The following CCSER1 variants were observed in gnomAD, a reference collection of about 807,000 sequenced individuals.
CCSER1 encodes the protein serine-rich coiled-coil domain-containing protein 1.
Under a neutral mutation model 82.0 loss-of-function variants are expected in CCSER1, and 41 were observed. That is an observed-to-expected ratio of 0.50 (90% CI 0.39 to 0.65). The LOEUF (loss-of-function observed/expected upper bound fraction) is 0.65, where lower values mean the gene tolerates loss of function less well. CCSER1 is among the 30% of genes least tolerant of loss of function. The probability of loss-of-function intolerance (pLI) is 0.00; values close to 1 mark genes in which losing one functional copy is unlikely to be tolerated. For synonymous variants in CCSER1, 414 were observed against 383.9 expected (o/e 1.08, Z -0.92); for missense variants, 1,119 against 1,064.2 (o/e 1.05, Z -0.72).
intron 10 of CCSER1, among the ~76,000 whole-genome samples, chr4:91,487,129 A>AT (rs1758264731): frequency 6.6e-6 from 1 of 152,094 alleles, no homozygotes; most frequent in Admixed American, 6.6e-5. Context: ...TACAGGATAT[A>AT]TTTTTTGCCT....
chr4:90,459,531 G>A (rs546549166), intron 4 of CCSER1, among the ~76,000 whole-genome samples: 13 of 152,192 alleles, frequency 8.5e-5, no homozygotes, highest in African/African-American at 1.2e-4. Flanking sequence ...CAGTGTGTCC[G>A]TAGAGTTGAT....
At chr4:90,532,864 C>T (rs1774754168) in intron 5 of CCSER1, among the ~76,000 whole-genome samples, 1 of 152,104 alleles carries the variant, frequency 6.6e-6, no homozygotes, top group Non-Finnish European at 1.5e-5. Context: ...TCCCAAGTAT[C>T]TATCTTGGCT....
intron 10 of CCSER1, among the ~76,000 whole-genome samples, chr4:91,230,378 T>A (rs943941955): frequency 6.6e-6 from 1 of 151,992 alleles, no homozygotes; most frequent in Non-Finnish European, 1.5e-5. Context: ...AATAAATAAC[T>A]GCATAGATAA....
intron 8 of CCSER1, among the ~76,000 whole-genome samples, chr4:90,875,250 A>C (rs1414115797): frequency 6.6e-6 from 1 of 152,128 alleles, no homozygotes; most frequent in Non-Finnish European, 1.5e-5. Context: ...ATGATAAATG[A>C]ATATCATCTT....
chr4:90,588,691 G>T lies in CCSER1; in HGVS notation c.1725-39334G>T, dbSNP rs148272142. ...TGGGAGGGACCCAGTGGGAGATAATGGAATCATGGGGTCGGTTTCCCCCAT... is the reference window on the plus strand; with the variant it reads ...TGGGAGGGACCCAGTGGGAGATAATTGAATCATGGGGTCGGTTTCCCCCAT... On this transcript the variant is annotated intron_variant, in intron 5 of 10. Coordinates refer to ENST00000509176, the MANE Select transcript of CCSER1 (RefSeq NM_001145065.2). Among the ~76,000 whole-genome samples the T allele has an allele frequency of 7.9e-4, 120 of 152,306 alleles. 3 individuals carry two copies. In the East Asian group the frequency reaches 0.019, roughly 25 times the overall value.
At chr4:90,842,327 T>G (rs1390598245) in intron 8 of CCSER1, among the ~76,000 whole-genome samples, 6 of 152,214 alleles carry the variant, frequency 3.9e-5, no homozygotes, top group African/African-American at 1.4e-4. Context: ...ATGCTCAAAT[T>G]TTAATTTCTT....
chr4:90,359,861 A>ATGTGTATATATATG (rs1379094451), intron 3 of CCSER1, among the ~76,000 whole-genome samples: 1 of 149,244 alleles, frequency 6.7e-6, no homozygotes, highest in Non-Finnish European at 1.5e-5. Flanking sequence ...GTGTATATAT[A>ATGTGTATATATATG]TGTGTATATA....
chr4:91,323,010 G>A (rs979930083), intron 10 of CCSER1, among the ~76,000 whole-genome samples: 4 of 152,162 alleles, frequency 2.6e-5, no homozygotes, highest in Admixed American at 6.6e-5. Context: ...AAGATCTGCT[G>A]AGAGAGGAAA....
chr4:90,919,302 G>T (rs1350563773), intron 8 of CCSER1, among the ~76,000 whole-genome samples: 2 of 151,822 alleles, frequency 1.3e-5, no homozygotes, highest in East Asian at 1.9e-4. Context: ...TCTTTGCAGA[G>T]ATACTGTACT....
chr4:91,369,979 C>T (rs1335774057), intron 10 of CCSER1, among the ~76,000 whole-genome samples: 1 of 151,880 alleles, frequency 6.6e-6, no homozygotes, highest in East Asian at 1.9e-4. Flanking sequence ...TGTGCCCAGC[C>T]AGTCAGTAGC....
At chr4:91,091,557 C>T (rs542566329) in intron 10 of CCSER1, among the ~76,000 whole-genome samples, 2 of 152,324 alleles carry the variant, frequency 1.3e-5, no homozygotes, top group South Asian at 4.1e-4. Flanking sequence ...ATAAGTCCCA[C>T]GACTATTTTC....
chr4:91,110,480 A>C (rs1210064360), intron 10 of CCSER1, among the ~76,000 whole-genome samples: 1 of 152,040 alleles, frequency 6.6e-6, no homozygotes, highest in Non-Finnish European at 1.5e-5. Context: ...TCTACTCACT[A>C]AGTGTAAAGC....
chr4:91,288,830 G>A (rs1456395898), intron 10 of CCSER1, among the ~76,000 whole-genome samples: 3 of 152,034 alleles, frequency 2.0e-5, no homozygotes, highest in Admixed American at 2.0e-4. Flanking sequence ...TAGAACCACA[G>A]GTGGAGGAGA....
chr4:90,930,067 G>C (rs1729541888), intron 9 of CCSER1, among the ~76,000 whole-genome samples: 1 of 152,064 alleles, frequency 6.6e-6, no homozygotes, highest in Non-Finnish European at 1.5e-5. Flanking sequence ...GTTTTATATA[G>C]TTTAAAATAG....
At chr4:90,151,787 T>A (rs1726914787) in intron 1 of CCSER1, among the ~76,000 whole-genome samples, 1 of 152,130 alleles carries the variant, frequency 6.6e-6, no homozygotes, top group Admixed American at 6.6e-5. Context: ...ATTTTTTCAA[T>A]CTTTACAATG....
intron 3 of CCSER1, among the ~76,000 whole-genome samples, chr4:90,368,854 A>G (rs1746805690): frequency 6.6e-6 from 1 of 151,988 alleles, no homozygotes; most frequent in Admixed American, 6.6e-5. Flanking sequence ...AAAATGAAAA[A>G]TTTTAATTTG....
intron 5 of CCSER1, among the ~76,000 whole-genome samples, chr4:90,547,025 A>G (rs951003820): frequency 1.3e-5 from 2 of 152,058 alleles, no homozygotes; most frequent in Non-Finnish European, 2.9e-5. Flanking sequence ...ATAAGCTTTA[A>G]TAGATTTGCT....
At chr4:91,170,806 C>T (rs1208833937) in intron 10 of CCSER1, among the ~76,000 whole-genome samples, 1 of 152,126 alleles carries the variant, frequency 6.6e-6, no homozygotes, top group East Asian at 1.9e-4. Flanking sequence ...AGCAAGGAAC[C>T]CACCATATTA....
intron 7 of CCSER1, among the ~76,000 whole-genome samples, chr4:90,754,778 A>G (rs1213747326): frequency 6.6e-6 from 1 of 152,188 alleles, no homozygotes; most frequent in Non-Finnish European, 1.5e-5. Context: ...CAAAAATAAG[A>G]CAAAGAAAAC....
Sources: allele counts gnomAD v4.1 joint callset (sites outside exome capture counted in the v4.1 genomes callset), GRCh38; gene constraint gnomAD v4.1.1; transcripts MANE v1.5; gene names NCBI Gene and HGNC (gene_info 2026-07-23, HGNC 2026-07-21).